The following MARCHF11 variants were observed in gnomAD, a reference collection of about 807,000 sequenced individuals.
MARCHF11 encodes the protein membrane associated ring-CH-type finger 11.
In MARCHF11, 29 loss-of-function variants were observed where a neutral mutation model predicts 37.3. The observed-to-expected ratio is 0.78, with a 90% CI of 0.58 to 1.06. MARCHF11 has a LOEUF of 1.06. MARCHF11 is among the 50% of genes least tolerant of loss of function. MARCHF11 has a pLI of 0.00. For missense variants in MARCHF11, 482 were observed against 533.4 expected, an observed-to-expected ratio of 0.90 and a Z score of 0.95; for synonymous variants, 233 against 228.0, an observed-to-expected ratio of 1.02 and a Z score of -0.20.
chr5:16,098,519 C>A (rs1444383016), intron 2 of MARCHF11, among the ~76,000 whole-genome samples: 1 of 152,088 alleles, frequency 6.6e-6, no homozygotes, highest in East Asian at 1.9e-4. Context: ...GTAATCCCAG[C>A]ACTTTGGGGA....
At chr5:16,128,700 C>T (rs947734412) in intron 2 of MARCHF11, among the ~76,000 whole-genome samples, 1 of 152,136 alleles carries the variant, frequency 6.6e-6, no homozygotes, top group African/African-American at 2.4e-5. Context: ...AAAGAAATAA[C>T]CTCTTTGGAG....
intron 2 of MARCHF11, among the ~76,000 whole-genome samples, chr5:16,146,965 C>G (rs173178): frequency 0.84 from 127,664 of 152,134 alleles, 53,749 homozygotes; most frequent in Middle Eastern, 0.88. Flanking sequence ...GATAGAGACT[C>G]AGAGAGAGAT....
At chr5:16,114,858 T>C (rs1220612448) in intron 2 of MARCHF11, among the ~76,000 whole-genome samples, 2 of 152,132 alleles carry the variant, frequency 1.3e-5, no homozygotes, top group South Asian at 2.1e-4. Context: ...AAATATAGTA[T>C]AGTTTTTGTA....
At chr5:16,121,735 C>T (rs1209813327) in intron 2 of MARCHF11, among the ~76,000 whole-genome samples, 2 of 152,158 alleles carry the variant, frequency 1.3e-5, no homozygotes, top group Non-Finnish European at 1.5e-5. Flanking sequence ...GAACAGTCTC[C>T]ATTCATAGAT....
intron 2 of MARCHF11, among the ~76,000 whole-genome samples, chr5:16,165,257 A>G (rs1175961558): frequency 2.0e-5 from 3 of 152,058 alleles, no homozygotes; most frequent in Non-Finnish European, 4.4e-5. Context: ...TTGTTTGAAG[A>G]CACTTCATTT....
rs530936522 is a variant in MARCHF11 at position 16,149,530 on chromosome 5, T to C, written c.693+28196A>G. Among the ~76,000 whole-genome samples, 44 of 152,200 alleles carry C rather than the reference T, an allele frequency of 2.9e-4. 1 individual carries two copies. Among genetic ancestry groups the C allele is most frequent in the Middle Eastern group, 3.4e-3 (1 of 294 alleles). ...ACATATACCCTAAGACCCATTGTCA[T>C]TGACTGCTTGATGGCCCAAATTCTT... On this transcript the variant is annotated intron_variant, in intron 2 of 3. Coordinates refer to ENST00000332432, the MANE Select transcript of MARCHF11 (RefSeq NM_001102562.3).
intron 2 of MARCHF11, among the ~76,000 whole-genome samples, chr5:16,100,400 C>G (rs1736936001): frequency 6.6e-6 from 1 of 152,184 alleles, no homozygotes; most frequent in Non-Finnish European, 1.5e-5. Context: ...GAATACCAGA[C>G]CAGGGCCAGA....
chr5:16,139,083 G>A (rs1344418835), intron 2 of MARCHF11, among the ~76,000 whole-genome samples: 12 of 152,152 alleles, frequency 7.9e-5, no homozygotes, highest in Admixed American at 7.9e-4. Flanking sequence ...TGAAACATGA[G>A]GACATGAGAT....
chr5:16,122,475 C>T (rs923346016), intron 2 of MARCHF11, among the ~76,000 whole-genome samples: 1 of 152,156 alleles, frequency 6.6e-6, no homozygotes, highest in African/African-American at 2.4e-5. Context: ...ATAAGTAATA[C>T]TTATATTTTT....
Position 16,177,734 on chromosome 5 carries a change from G to T in MARCHF11, c.685C>A (p.Pro229Thr), listed in dbSNP as rs760666613. 2 of 1,601,714 alleles carry T rather than the reference G, an allele frequency of 1.2e-6. No homozygotes were observed. Among genetic ancestry groups the T allele is most frequent in the African/African-American group, 2.7e-5 (2 of 74,442 alleles). ...ATGTTGAAACTGCTTACCTGGCAAGGTTGTTTCATTTTAATGGCTATAACA... is the reference window on the plus strand; with the variant it reads ...ATGTTGAAACTGCTTACCTGGCAAGTTTGTTTCATTTTAATGGCTATAACA... ...YHVIAIKMKQ[P>T]CQWQSISITL... is the part of the protein sequence containing the mutation. Residue 229 changes from proline (P) to threonine (T), a missense_variant, in exon 2 of 4, where the codon CCT becomes ACT. Physicochemically the swap from Pro to Thr is conservative, Grantham distance 38 (BLOSUM62 -1). Coordinates refer to ENST00000332432, the MANE Select transcript of MARCHF11 (RefSeq NM_001102562.3).
intron 2 of MARCHF11, among the ~76,000 whole-genome samples, chr5:16,135,487 A>G (rs990547308): frequency 5.3e-5 from 8 of 152,222 alleles, no homozygotes; most frequent in Admixed American, 3.3e-4. Context: ...TTGGCCATCT[A>G]CAGTCTCTTC....
intron 2 of MARCHF11, among the ~76,000 whole-genome samples, chr5:16,106,451 T>C (rs1737041676): frequency 6.6e-6 from 1 of 152,226 alleles, no homozygotes; most frequent in Admixed American, 6.5e-5. Flanking sequence ...AGGCAGGATG[T>C]CTGAGTTCTG....
chr5:16,175,222 C>T (rs1488901518), intron 2 of MARCHF11, among the ~76,000 whole-genome samples: 2 of 152,176 alleles, frequency 1.3e-5, no homozygotes, highest in Non-Finnish European at 2.9e-5. Flanking sequence ...CTCCATCAAC[C>T]CATTGACTCT....
chr5:16,123,136 T>C (rs908153556), intron 2 of MARCHF11, among the ~76,000 whole-genome samples: 5 of 152,168 alleles, frequency 3.3e-5, no homozygotes, highest in Non-Finnish European at 7.3e-5. Context: ...CCGCATACAG[T>C]ATGTTATGGG....
At chr5:16,076,605 A>C (rs1469191341) in intron 3 of MARCHF11, among the ~76,000 whole-genome samples, 1 of 152,214 alleles carries the variant, frequency 6.6e-6, no homozygotes, top group Non-Finnish European at 1.5e-5. Context: ...CAGGGGTAAG[A>C]ACATCAAGAG....
In MARCHF11 at chr5:16,085,939, CAAAAAAAAAAAAAAAAAAAA is replaced by C. The variant is rs56782867; in HGVS notation, c.886+4930_886+4949del. Among the ~76,000 whole-genome samples the C allele has an allele frequency of 5.8e-3, 238 of 40,976 alleles. 2 individuals are homozygous for C. The highest frequency in any genetic ancestry group is 0.024 in the Middle Eastern group (1 of 42). 26.9% of individuals were successfully genotyped at this position (40,976 alleles called of 152,430 possible). A position where few individuals can be genotyped will look rare whatever the true frequency, so the allele number is the denominator to read the frequency against. On this transcript the variant is annotated intron_variant, in intron 3 of 3. Transcript: ENST00000332432. ...TGGGCGAAAGAGCAAGACTCCATCTCAAAAAAAAAAAAAAAAAAAAAAAAAAAAAAAAAAAAAATCTTATT... is the reference window on the plus strand; with the variant it reads ...TGGGCGAAAGAGCAAGACTCCATCTCAAAAAAAAAAAAAAAAAATCTTATT...
At chr5:16,078,987 G>A (rs1466650745) in intron 3 of MARCHF11, among the ~76,000 whole-genome samples, 3 of 152,200 alleles carry the variant, frequency 2.0e-5, no homozygotes, top group Middle Eastern at 3.4e-3. Context: ...ACACACACGT[G>A]CACACTCATA....
intron 3 of MARCHF11, among the ~76,000 whole-genome samples, chr5:16,070,273 G>A (rs966296174): frequency 7.9e-5 from 12 of 152,114 alleles, no homozygotes; most frequent in Admixed American, 2.0e-4. Flanking sequence ...TCCTTAAAAT[G>A]AAATCAGAAC....
chr5:16,154,457 C>T (rs189056505), intron 2 of MARCHF11, among the ~76,000 whole-genome samples: 88 of 152,014 alleles, frequency 5.8e-4, no homozygotes, highest in African/African-American at 1.8e-3. Context: ...AATCACAAGG[C>T]AATTAAGCTA....
Sources: allele counts gnomAD v4.1 joint callset (sites outside exome capture counted in the v4.1 genomes callset), GRCh38; gene constraint gnomAD v4.1.1; transcripts MANE v1.5; gene names NCBI Gene and HGNC (gene_info 2026-07-23, HGNC 2026-07-21).